The following FOXP1 variants were observed in gnomAD, a reference collection of about 807,000 sequenced individuals.
The protein encoded by FOXP1 is forkhead box protein P1.
Under a neutral mutation model 98.2 loss-of-function variants are expected in FOXP1, and 15 were observed. The observed-to-expected ratio is 0.15, with a 90% CI of 0.10 to 0.24. The LOEUF (loss-of-function observed/expected upper bound fraction) is 0.24. FOXP1 is among the 10% of genes least tolerant of loss of function. The pLI, the probability that FOXP1 is intolerant of heterozygous loss-of-function variation, is 1.00. For missense variants in FOXP1, 633 were observed against 848.5 expected, an observed-to-expected ratio of 0.75 and a Z score of 3.15; for synonymous variants, 371 against 314.5, an observed-to-expected ratio of 1.18 and a Z score of -1.90.
At chr3:71,070,342 C>A (rs1162808344) in intron 7 of FOXP1, among the ~76,000 whole-genome samples, 2 of 152,152 alleles carry the variant, frequency 1.3e-5, no homozygotes, top group Non-Finnish European at 2.9e-5. Context: ...GGGCATCTTG[C>A]CTTCTTTTGC....
intron 5 of FOXP1, among the ~76,000 whole-genome samples, chr3:71,221,040 A>C (rs1342625979): frequency 1.3e-5 from 2 of 151,972 alleles, no homozygotes; most frequent in Non-Finnish European, 2.9e-5. Flanking sequence ...CACCCACTAC[A>C]TTTTAGAGCG....
intron 2 of FOXP1, among the ~76,000 whole-genome samples, chr3:71,512,020 G>A (rs1224023399): frequency 6.6e-6 from 1 of 152,190 alleles, no homozygotes; most frequent in African/African-American, 2.4e-5. Context: ...TGTGCCAAGT[G>A]CAGTGCTCAG....
At chr3:71,517,902 G>A (rs1057461416) in intron 2 of FOXP1, among the ~76,000 whole-genome samples, 11 of 152,158 alleles carry the variant, frequency 7.2e-5, no homozygotes, top group Admixed American at 2.0e-4. Context: ...GTCATATTCC[G>A]CTGGCATATA....
intron 2 of FOXP1, among the ~76,000 whole-genome samples, chr3:71,503,215 T>C (rs9837383): frequency 0.36 from 54,152 of 151,954 alleles, 10,409 homozygotes; most frequent in Non-Finnish European, 0.43. Flanking sequence ...CCAAATCTGT[T>C]TTCTAGAGAG....
intron 2 of FOXP1, among the ~76,000 whole-genome samples, chr3:71,507,646 C>T (rs936918868): frequency 2.0e-5 from 3 of 151,756 alleles, no homozygotes; most frequent in Admixed American, 6.6e-5. Flanking sequence ...GGCACAACCT[C>T]GGCTCACTGC....
chr3:71,399,950 G>A (rs926740511), intron 3 of FOXP1, among the ~76,000 whole-genome samples: 15 of 152,120 alleles, frequency 9.9e-5, no homozygotes, highest in African/African-American at 3.4e-4. Context: ...TGAATCCCAA[G>A]ATAATTAAAA....
chr3:71,372,914 G>A (rs1029348005), intron 3 of FOXP1, among the ~76,000 whole-genome samples: 1 of 152,114 alleles, frequency 6.6e-6, no homozygotes, highest in Non-Finnish European at 1.5e-5. Context: ...ACCCTTGAGA[G>A]GCCCACCTTG....
At chr3:71,506,285 G>C (rs925795317) in intron 2 of FOXP1, among the ~76,000 whole-genome samples, 1 of 152,200 alleles carries the variant, frequency 6.6e-6, no homozygotes, top group Non-Finnish European at 1.5e-5. Flanking sequence ...TGTTTCATCA[G>C]CTGCAAAACA....
intron 6 of FOXP1, among the ~76,000 whole-genome samples, chr3:71,193,124 T>C (rs555258896): frequency 6.6e-6 from 1 of 151,550 alleles, no homozygotes; most frequent in African/African-American, 2.4e-5. Context: ...ATCCCCTTTG[T>C]TTGTTGTTGT....
intron 13 of FOXP1, among the ~76,000 whole-genome samples, chr3:70,993,145 T>TA (rs1350327473): frequency 4.6e-5 from 7 of 152,238 alleles, no homozygotes; most frequent in Non-Finnish European, 8.8e-5. Context: ...TGATTTGTGT[T>TA]AGGATTAATG....
chr3:71,415,982 T>A (rs1341871037), intron 3 of FOXP1, among the ~76,000 whole-genome samples: 1 of 152,162 alleles, frequency 6.6e-6, no homozygotes, highest in Non-Finnish European at 1.5e-5. Flanking sequence ...GCATCTTTCG[T>A]CACAGGAATG....
chr3:71,310,114 A>AT (rs1275054457), intron 4 of FOXP1, among the ~76,000 whole-genome samples: 1 of 152,254 alleles, frequency 6.6e-6, no homozygotes, highest in Non-Finnish European at 1.5e-5. Flanking sequence ...CTACTGTGGT[A>AT]TTAGAAACAT....
At chr3:71,195,618 G>C (rs563635666) in intron 6 of FOXP1, among the ~76,000 whole-genome samples, 12 of 152,318 alleles carry the variant, frequency 7.9e-5, no homozygotes, top group Middle Eastern at 3.4e-3. Flanking sequence ...TACGGAATCT[G>C]AATGTGCCCC....
chr3:71,059,268 T>G (rs1370278048), intron 7 of FOXP1, among the ~76,000 whole-genome samples: 1 of 152,208 alleles, frequency 6.6e-6, no homozygotes, highest in African/African-American at 2.4e-5. Flanking sequence ...TCAACCCTAA[T>G]AAGCAATCTC....
At chr3:71,455,646 T>C (rs2087412499) in intron 3 of FOXP1, among the ~76,000 whole-genome samples, 1 of 152,176 alleles carries the variant, frequency 6.6e-6, no homozygotes, top group African/African-American at 2.4e-5. Flanking sequence ...CTCTCCCACG[T>C]CATGCTCTTA....
intron 6 of FOXP1, among the ~76,000 whole-genome samples, chr3:71,179,190 A>G (rs981894560): frequency 7.1e-6 from 1 of 141,148 alleles, no homozygotes; most frequent in African/African-American, 2.7e-5. Flanking sequence ...GCTGAGTAGC[A>G]CAACCTCAGC....
At chr3:71,440,221 C>G (rs1241446902) in intron 3 of FOXP1, among the ~76,000 whole-genome samples, 1 of 152,034 alleles carries the variant, frequency 6.6e-6, no homozygotes, top group Non-Finnish European at 1.5e-5. Context: ...CCTTACACTT[C>G]AAAACATTTA....
intron 5 of FOXP1, among the ~76,000 whole-genome samples, chr3:71,217,270 A>G (rs1022110642): frequency 4.6e-5 from 7 of 152,012 alleles, no homozygotes; most frequent in Non-Finnish European, 1.0e-4. Flanking sequence ...ATGGGGTTTC[A>G]TCATGTTGGC....
chr3:71,295,197 T>G (rs189569273), intron 5 of FOXP1, among the ~76,000 whole-genome samples: 1 of 152,164 alleles, frequency 6.6e-6, no homozygotes, highest in Non-Finnish European at 1.5e-5. Context: ...AACGACTGCT[T>G]CCAGTGTCTT....
Sources: gnomAD v4.1 joint callset for allele counts (sites outside exome capture counted in the v4.1 genomes callset) on GRCh38, gnomAD v4.1.1 for gene constraint, MANE v1.5 for transcripts, NCBI Gene and HGNC (gene_info 2026-07-23, HGNC 2026-07-21) for gene names.